VSTM2L: variants seen among roughly 807,000 people sequenced by gnomAD.
VSTM2L encodes the protein V-set and transmembrane domain containing 2 like.
VSTM2L carries 9 observed loss-of-function variants against 19.9 expected under a neutral mutation model. The ratio of observed to expected loss-of-function variants is 0.45; its 90% CI spans 0.27 to 0.79. VSTM2L has a LOEUF of 0.79. Ranked by LOEUF, VSTM2L falls within the 30% of genes least tolerant of loss-of-function variation. The pLI, the probability that VSTM2L is intolerant of heterozygous loss-of-function variation, is 0.15. For synonymous variants in VSTM2L, 127 were observed against 133.8 expected (o/e 0.95, Z 0.35); for missense variants, 286 against 295.5 (o/e 0.97, Z 0.24).
chr20:37,928,137 A>G (rs1188840776), intron 1 of VSTM2L, among the ~76,000 whole-genome samples: 2 of 152,086 alleles, frequency 1.3e-5, no homozygotes, highest in Admixed American at 6.5e-5. Context: ...TGGTCATACC[A>G]GATCCAACCA....
At chr20:37,930,830 A>C (rs1034592165) in intron 1 of VSTM2L, among the ~76,000 whole-genome samples, 1 of 152,088 alleles carries the variant, frequency 6.6e-6, no homozygotes, top group African/African-American at 2.4e-5. Flanking sequence ...CCATCCGCCG[A>C]GCAGCTGCTC....
intron 2 of VSTM2L, among the ~76,000 whole-genome samples, chr20:37,932,860 T>G (rs1174346911): frequency 6.6e-6 from 1 of 152,244 alleles, no homozygotes; most frequent in South Asian, 2.1e-4. Context: ...CACATATATC[T>G]GCACACATTC....
At chr20:37,915,113 T>C (rs537330080) in intron 1 of VSTM2L, among the ~76,000 whole-genome samples, 7 of 152,154 alleles carry the variant, frequency 4.6e-5, no homozygotes, top group South Asian at 4.1e-4. Flanking sequence ...ATAGTGGAAA[T>C]AGTGCTCAAA....
chr20:37,931,896 A>G, intron 2 of VSTM2L, 92 bp downstream of exon 2: 1 of 1,380,098 alleles, frequency 7.2e-7, no homozygotes, highest in South Asian at 1.4e-5. Context: ...CCTCTGAGGG[A>G]TATGGGCTCC....
chr20:37,917,545 A>G (rs561601020), intron 1 of VSTM2L, among the ~76,000 whole-genome samples: 2 of 152,178 alleles, frequency 1.3e-5, no homozygotes, highest in African/African-American at 4.8e-5. Context: ...TTTAATCCTC[A>G]AAATAAGCCT....
chr20:37,925,121 A>AT (rs11423338), intron 1 of VSTM2L, among the ~76,000 whole-genome samples: 2,448 of 150,586 alleles, frequency 0.016, 62 homozygotes, highest in African/African-American at 0.056. Context: ...AAGGAAATGG[A>AT]TTTTTTTTTT....
chr20:37,910,477 C>A (rs1046415386), intron 1 of VSTM2L, among the ~76,000 whole-genome samples: 1 of 152,194 alleles, frequency 6.6e-6, no homozygotes, highest in African/African-American at 2.4e-5. Context: ...TTTATTCATT[C>A]AACAAATATC....
intron 1 of VSTM2L, among the ~76,000 whole-genome samples, chr20:37,926,712 G>A (rs1308966254): frequency 6.6e-6 from 1 of 152,178 alleles, no homozygotes; most frequent in Admixed American, 6.5e-5. Flanking sequence ...CAGAGGGCTG[G>A]TTTCAAATCC....
At chr20:37,922,397 A>G (rs2072856779) in intron 1 of VSTM2L, among the ~76,000 whole-genome samples, 1 of 151,792 alleles carries the variant, frequency 6.6e-6, no homozygotes, top group Non-Finnish European at 1.5e-5. Flanking sequence ...AGATTTTGTT[A>G]CTCCATTCAT....
At chr20:37,940,998 A>G (rs978174661) in intron 3 of VSTM2L, among the ~76,000 whole-genome samples, 1 of 152,206 alleles carries the variant, frequency 6.6e-6, no homozygotes, top group Non-Finnish European at 1.5e-5. Flanking sequence ...GTGGGGACAC[A>G]GAGCCAAACC....
chr20:37,942,870 T>TC (rs2072980761), intron 3 of VSTM2L, among the ~76,000 whole-genome samples: 1 of 152,228 alleles, frequency 6.6e-6, no homozygotes, highest in South Asian at 2.1e-4. Context: ...ACATCCTTGC[T>TC]CCCCCCAAGT....
chr20:37,943,131 G>A lies in VSTM2L; in HGVS notation c.343-850G>A, dbSNP rs1158246274. 2.0e-5 allele frequency among the ~76,000 whole-genome samples: 3 copies of A among 151,714 alleles called. No individual in the cohort carries two copies. In the East Asian group the frequency reaches 5.8e-4, roughly 30 times the overall value. Reference sequence around the variant, plus strand: ...TACCGGCATGCACCACCACACCCCCGGCTAGTTTTTGTATTTTTAGTAGAG... The same window carrying A: ...TACCGGCATGCACCACCACACCCCCAGCTAGTTTTTGTATTTTTAGTAGAG... On this transcript the variant is annotated intron_variant, in intron 3 of 3. Coordinates refer to ENST00000373461, the MANE Select transcript of VSTM2L (RefSeq NM_080607.3).
chr20:37,943,915 C>CA (rs1005443884), intron 3 of VSTM2L, 66 bp from the exon 4 acceptor site: 4 of 795,852 alleles, frequency 5.0e-6, no homozygotes, highest in East Asian at 3.7e-5. Context: ...GGGACCCCCC[C>CA]CCCCGACTCT....
At position 37,945,067 on chromosome 20, in the gene VSTM2L, C is replaced by T. The variant is rs570655867; in HGVS notation, c.*814C>T. ...CCCCAGCTCCCTCTTGGGTCCTGTG[C>T]CAAGTCCGCCCCAGGGCCTGGGGCT... On this transcript the variant is annotated 3_prime_UTR_variant, in exon 4 of 4. Transcript: ENST00000373461. The T allele has an allele frequency of 2.0e-6, 2 of 985,822 alleles. No individual in the cohort carries two copies. The highest frequency in any genetic ancestry group is 2.3e-4 in the East Asian group (2 of 8,804). The allele number at this position is 985,822 out of a possible 1,614,324, so 61.1% of individuals were successfully genotyped here. A position where few individuals can be genotyped will look rare whatever the true frequency, so the allele number is the denominator to read the frequency against.
At chr20:37,934,233 G>T (rs995343271) in intron 3 of VSTM2L, among the ~76,000 whole-genome samples, 15 of 152,224 alleles carry the variant, frequency 9.9e-5, no homozygotes, top group Admixed American at 9.8e-4. Flanking sequence ...GGCCAGTGCA[G>T]CTGGGGCCCA....
At chr20:37,943,570 CCTGT>C (rs2072986453) in intron 3 of VSTM2L, among the ~76,000 whole-genome samples, 2 of 152,072 alleles carry the variant, frequency 1.3e-5, no homozygotes, top group South Asian at 2.1e-4. Context: ...GTTGTTCCCT[CCTGT>C]CTATTTTAAA....
chr20:37,911,658 TGC>T (rs1162751974), intron 1 of VSTM2L, among the ~76,000 whole-genome samples: 1 of 152,124 alleles, frequency 6.6e-6, no homozygotes, highest in Non-Finnish European at 1.5e-5. Flanking sequence ...GCTCTTAAAG[TGC>T]CAGGATGGGG....
At chr20:37,924,409 T>C (rs191945164) in intron 1 of VSTM2L, among the ~76,000 whole-genome samples, 2 of 146,688 alleles carry the variant, frequency 1.4e-5, no homozygotes, top group East Asian at 3.9e-4. Flanking sequence ...AATAATTAGC[T>C]GGGCGTGGTG....
At chr20:37,938,569 C>G (rs920958568) in intron 3 of VSTM2L, among the ~76,000 whole-genome samples, 16 of 152,206 alleles carry the variant, frequency 1.1e-4, no homozygotes, top group African/African-American at 3.9e-4. Flanking sequence ...GAGCTGGCCT[C>G]GGAGTATCCC....
Sources: gnomAD v4.1 joint callset for allele counts (sites outside exome capture counted in the v4.1 genomes callset) on GRCh38, gnomAD v4.1.1 for gene constraint, MANE v1.5 for transcripts, NCBI Gene and HGNC (gene_info 2026-07-23, HGNC 2026-07-21) for gene names.